Variants in TRPC5 observed in about 807,000 individuals in gnomAD.
The protein encoded by TRPC5 is transient receptor potential cation channel subfamily C member 5, also known as short transient receptor potential channel 5.
Under a neutral mutation model 56.5 loss-of-function variants are expected in TRPC5, and 9 were observed. The observed-to-expected ratio is 0.16, with a 90% CI of 0.10 to 0.28. The LOEUF is 0.28. TRPC5 is among the 10% of genes least tolerant of loss of function. The pLI is 1.00. For synonymous variants in TRPC5, 282 were observed against 278.5 expected (o/e 1.01, Z -0.13); for missense variants, 469 against 748.9 (o/e 0.63, Z 4.36).
chrX:111,912,770 G>C lies in TRPC5; in HGVS notation c.421C>G (p.Pro141Ala). Residue 141 changes from proline (P) to alanine (A), a missense_variant, in exon 3 of 11, where the codon CCG becomes GCG. Physicochemically the swap from Pro to Ala is conservative, Grantham distance 27. Around this residue, in one of 3 missense-constraint regions of TRPC5, gnomAD observed 118 missense variants for 167.1 expected, o/e 0.71. Transcript: ENST00000262839. The part of the protein sequence containing the change: ...MMDTQFSEFT[P>A]DITPIMLAAH... Reference sequence around the variant, plus strand: ...GCCAGCATGATGGGAGTGATGTCCGGTGTGAATTCAGAGAACTGCGTGTCC... The same window carrying C: ...GCCAGCATGATGGGAGTGATGTCCGCTGTGAATTCAGAGAACTGCGTGTCC... The C allele has an allele frequency of 8.3e-7, 1 of 1,203,872 alleles. No homozygotes were observed. Among genetic ancestry groups the C allele is most frequent in the Non-Finnish European group, 1.1e-6 (1 of 895,215 alleles).
intron 3 of TRPC5, chrX:111,882,011 G>GGTAA (rs1377957472): frequency 9.1e-6 from 1 of 110,265 alleles, no homozygotes; most frequent in Non-Finnish European, 1.9e-5. Flanking sequence ...GTTGCAGTGT[G>GGTAA]GTAAGGTAGG....
chrX:111,826,346 T>G (rs1922236589), intron 7 of TRPC5, among the ~76,000 whole-genome samples: 1 of 112,397 alleles, frequency 8.9e-6, no homozygotes, highest in Admixed American at 9.4e-5. Flanking sequence ...TGTAAATTGT[T>G]GTCTGAAATG....
chrX:112,011,046 C>A (rs943591224), intron 1 of TRPC5, among the ~76,000 whole-genome samples: 5 of 111,335 alleles, frequency 4.5e-5, no homozygotes, highest in African/African-American at 1.6e-4. Flanking sequence ...TACCCTCCCC[C>A]ATTTGACAAG....
intron 7 of TRPC5, among the ~76,000 whole-genome samples, chrX:111,808,064 C>T (rs1394936166): frequency 1.8e-5 from 2 of 108,544 alleles, no homozygotes; most frequent in Non-Finnish European, 3.8e-5. Flanking sequence ...CTAGGACTTC[C>T]CTGGGTCAGA....
At chrX:112,055,552 A>G (rs1275002993) in intron 1 of TRPC5, among the ~76,000 whole-genome samples, 1 of 110,349 alleles carries the variant, frequency 9.1e-6, no homozygotes, top group African/African-American at 3.3e-5. Flanking sequence ...CTCTAAAGAC[A>G]TTAGTTTAAT....
intron 1 of TRPC5, among the ~76,000 whole-genome samples, chrX:111,991,520 C>G (rs980087177): frequency 8.9e-5 from 10 of 112,072 alleles, no homozygotes; most frequent in African/African-American, 3.2e-4. Context: ...CCTTCACCAC[C>G]ATTTTTTTCT....
At chrX:111,891,595 C>A (rs995858215) in intron 3 of TRPC5, among the ~76,000 whole-genome samples, 2 of 111,349 alleles carry the variant, frequency 1.8e-5, no homozygotes, top group Admixed American at 1.9e-4. Context: ...GGCTGGAGTG[C>A]AATGGTGCGA....
chrX:112,049,599 G>A (rs1213464744), intron 1 of TRPC5, among the ~76,000 whole-genome samples: 2 of 108,453 alleles, frequency 1.8e-5, no homozygotes, highest in African/African-American at 6.7e-5. Context: ...AAACTCCTGG[G>A]CTCAAGTGAT....
At chrX:111,806,909 A>G (rs1323213171) in intron 7 of TRPC5, among the ~76,000 whole-genome samples, 1 of 111,487 alleles carries the variant, frequency 9.0e-6, no homozygotes, top group Non-Finnish European at 1.9e-5. Context: ...CCTGGCCTGT[A>G]AAGTTTCCAC....
chrX:111,971,986 C>T (rs972894154), intron 1 of TRPC5, among the ~76,000 whole-genome samples: 2 of 111,898 alleles, frequency 1.8e-5, no homozygotes, highest in Non-Finnish European at 3.8e-5. Flanking sequence ...ATTCAATCCT[C>T]CTTCTCTCAT....
At chrX:111,916,100 G>T (rs1040574996) in intron 2 of TRPC5, among the ~76,000 whole-genome samples, 4 of 111,601 alleles carry the variant, frequency 3.6e-5, no homozygotes, top group Non-Finnish European at 7.5e-5. Context: ...ACTCCATCCA[G>T]CCTGGGCAAC....
At chrX:111,842,177 G>T (rs1471044580) in intron 6 of TRPC5, among the ~76,000 whole-genome samples, 1 of 95,129 alleles carries the variant, frequency 1.1e-5, no homozygotes, top group South Asian at 4.4e-4. Flanking sequence ...TCGCTCTGTT[G>T]CCCAGGCTGG....
At position 112,014,690 on chromosome X, in the gene TRPC5, T is replaced by C. The variant is rs780745600; in HGVS notation, c.-21-62249A>G. On this transcript the variant is annotated intron_variant, in intron 1 of 10. Coordinates refer to ENST00000262839, the MANE Select transcript of TRPC5 (RefSeq NM_012471.3). ...CCTTTCCTTCCCCTTCTCAAACTGG[T>C]AATACCTCCTGATTTCTCATGAGCC... 8.9e-5 allele frequency among the ~76,000 whole-genome samples: 10 copies of C among 111,965 alleles called. No individual in the cohort carries two copies. In the South Asian group the frequency reaches 3.0e-3, roughly 34 times the overall value.
chrX:112,051,487 T>C (rs1041275275), intron 1 of TRPC5, among the ~76,000 whole-genome samples: 1 of 111,681 alleles, frequency 9.0e-6, no homozygotes, highest in Non-Finnish European at 1.9e-5. Flanking sequence ...AGAGGTGTTT[T>C]CCAGGGCAAT....
chrX:111,878,605 G>T (rs1455960232), intron 3 of TRPC5, among the ~76,000 whole-genome samples: 1 of 111,477 alleles, frequency 9.0e-6, no homozygotes, highest in Non-Finnish European at 1.9e-5. Flanking sequence ...TATTTCCCCA[G>T]CCTCTACCCA....
chrX:112,076,409 C>A (rs774432324), intron 1 of TRPC5, among the ~76,000 whole-genome samples: 6 of 111,059 alleles, frequency 5.4e-5, no homozygotes, highest in Non-Finnish European at 1.1e-4. Context: ...AGGTAGGTAG[C>A]ACCATGGGCT....
chrX:112,071,246 C>T (rs1930711737), intron 1 of TRPC5, among the ~76,000 whole-genome samples: 1 of 110,009 alleles, frequency 9.1e-6, no homozygotes, highest in African/African-American at 3.3e-5. Context: ...TGGTCAAGGC[C>T]GCTGTGAGCC....
At chrX:111,901,479 C>G (rs1925341544) in intron 3 of TRPC5, 1 of 119,075 alleles carries the variant, frequency 8.4e-6, no homozygotes. Context: ...GTAGCCATAG[C>G]CTGTAGGATG....
chrX:111,949,198 T>C (rs774979393), intron 2 of TRPC5, among the ~76,000 whole-genome samples: 1 of 112,227 alleles, frequency 8.9e-6, no homozygotes, highest in Admixed American at 9.4e-5. Flanking sequence ...CAAGATGGAT[T>C]AAGGACTTAA....
Sources: gnomAD v4.1 joint callset for allele counts (sites outside exome capture counted in the v4.1 genomes callset) on GRCh38, gnomAD v4.1.1 for gene constraint, gnomAD v4.1.1 regional missense constraint, MANE v1.5 for transcripts, NCBI Gene and HGNC (gene_info 2026-07-23, HGNC 2026-07-21) for gene names.